Variants in MSMB observed in about 807,000 individuals in gnomAD.
MSMB encodes microseminoprotein beta, also known as beta-microseminoprotein.
Under a neutral mutation model 10.5 loss-of-function variants are expected in MSMB, and 10 were observed. The observed-to-expected ratio is 0.95, with a 90% CI of 0.59 to 1.62. MSMB has a LOEUF of 1.62. Among genes scored for constraint, MSMB ranks in the 40% most tolerant of loss-of-function variants. The pLI is 0.00. For missense variants in MSMB, 126 were observed against 137.4 expected, an observed-to-expected ratio of 0.92 and a Z score of 0.42; for synonymous variants, 43 against 46.5, an observed-to-expected ratio of 0.93 and a Z score of 0.30.
At chr10:46,038,837 C>T in intron 3 of MSMB, 129 bp downstream of exon 3, 1 of 726,952 alleles carries the variant, frequency 1.4e-6, no homozygotes, top group Non-Finnish European at 2.3e-6. Context: ...TAAAACTACT[C>T]TATATAAAGT....
Position 46,034,175 on chromosome 10 carries a change from C to T in MSMB, c.216-624G>A, listed in dbSNP as rs929765766. On this transcript the variant is annotated intron_variant, in intron 3 of 3. Coordinates refer to ENST00000582163, the MANE Select transcript of MSMB (RefSeq NM_002443.4). ...TCACCCAGGATGGAGTGCAGTGGCA[C>T]GATCTCAGCTCACTTCAGCCTCCGT... Among the ~76,000 whole-genome samples the T allele has an allele frequency of 5.9e-5, 9 of 152,224 alleles. 1 individual carries two copies. Among genetic ancestry groups the T allele is most frequent in the African/African-American group, 1.4e-4 (6 of 41,540 alleles).
In MSMB at chr10:46,034,029, T is replaced by C. The variant is rs186563798; in HGVS notation, c.216-478A>G. On this transcript the variant is annotated intron_variant, in intron 3 of 3. Transcript: ENST00000582163. ...GATGAAAGTCAGAGACCACCTCTAA[T>C]TGAGCTGCAGTACATACAAATATTT... 1.4e-4 allele frequency among the ~76,000 whole-genome samples: 22 copies of C among 152,318 alleles called. No individual in the cohort carries two copies. The East Asian group carries it at 2.3e-3, about 16-fold the overall frequency.
chr10:46,037,567 C>T (rs1840638113), intron 3 of MSMB, among the ~76,000 whole-genome samples: 1 of 152,146 alleles, frequency 6.6e-6, no homozygotes, highest in Non-Finnish European at 1.5e-5. Context: ...AAAACATCTG[C>T]ATAGCCTTTG....
At chr10:46,043,237 C>A (rs1840793414) in intron 1 of MSMB, among the ~76,000 whole-genome samples, 1 of 152,144 alleles carries the variant, frequency 6.6e-6, no homozygotes. Flanking sequence ...CATCCCAGGA[C>A]AAGTGACATG....
At chr10:46,040,846 C>T (rs894446507) in intron 1 of MSMB, among the ~76,000 whole-genome samples, 1 of 151,560 alleles carries the variant, frequency 6.6e-6, no homozygotes, top group African/African-American at 2.4e-5. Context: ...CCCAGCTACT[C>T]GGGAGTCTGA....
intron 1 of MSMB, among the ~76,000 whole-genome samples, chr10:46,041,844 C>A (rs916180235): frequency 6.8e-6 from 1 of 147,498 alleles, no homozygotes; most frequent in Non-Finnish European, 1.5e-5. Flanking sequence ...CCAGAAAATT[C>A]CAAAGGTAGT....
chr10:46,035,871 C>A (rs1215104667), intron 3 of MSMB, among the ~76,000 whole-genome samples: 1 of 152,014 alleles, frequency 6.6e-6, no homozygotes, highest in Non-Finnish European at 1.5e-5. Context: ...TGAAGAGATA[C>A]AATTCTTTTA....
At chr10:46,040,120 G>T in intron 1 of MSMB, 29 bp from the exon 2 acceptor site, 1 of 1,581,714 alleles carries the variant, frequency 6.3e-7, no homozygotes, top group East Asian at 2.2e-5. Flanking sequence ...TCAGGGTGGA[G>T]AATGAATTAA....
Position 46,040,953 on chromosome 10 carries a change from C to CA in MSMB, c.4-863dup, listed in dbSNP as rs555968994. Among the ~76,000 whole-genome samples, 611 of 117,186 alleles carry CA rather than the reference C, an allele frequency of 5.2e-3. 3 individuals carry two copies. The highest frequency in any genetic ancestry group is 0.028 in the East Asian group (101 of 3,550). 76.9% of individuals were successfully genotyped at this position (117,186 alleles called of 152,430 possible). On this transcript the variant is annotated intron_variant, in intron 1 of 3. Transcript: ENST00000582163. ...TGGGTGACAGAGCGAGACTCCGTCT[C>CA]AAAAAAAAAAAAAGCCAAACTTCTC...
At chr10:46,041,344 C>CAAAAAAAAAAAAA (rs60728604) in intron 1 of MSMB, among the ~76,000 whole-genome samples, 1 of 96,604 alleles carries the variant, frequency 1.0e-5, no homozygotes. Context: ...GACTCCGTCT[C>CAAAAAAAAAAAAA]AAAAAAAAAA....
At chr10:46,045,491 C>T (rs1310062544) in intron 1 of MSMB, among the ~76,000 whole-genome samples, 1 of 152,044 alleles carries the variant, frequency 6.6e-6, no homozygotes, top group Non-Finnish European at 1.5e-5. Context: ...CATGACTGCA[C>T]CACTGCACTC....
At chr10:46,042,323 G>GA (rs1840773037) in intron 1 of MSMB, among the ~76,000 whole-genome samples, 1 of 151,980 alleles carries the variant, frequency 6.6e-6, no homozygotes, top group Admixed American at 6.6e-5. Flanking sequence ...ATAAACACAT[G>GA]AAAAAGTTCA....
chr10:46,036,610 G>A (rs1554927563), intron 3 of MSMB, among the ~76,000 whole-genome samples: 1 of 152,218 alleles, frequency 6.6e-6, no homozygotes, highest in African/African-American at 2.4e-5. Flanking sequence ...CAGAGGCTCA[G>A]AGACATTCAG....
chr10:46,033,480 A>C lies in MSMB; in HGVS notation c.287T>G (p.Ile96Ser), dbSNP rs782752478. ...TTTTGGGTCCTTCTTCTCCACCACG[A>C]TATACTTGCAGTCCTCCTTCTTGAA... The part of the protein sequence containing the change: ...RIFKKEDCKY[I>S]VVEKKDPKKT... The change falls in exon 4 of 4, where the codon ATC (isoleucine) becomes AGC (serine). Residue 96 changes from isoleucine to serine, a missense_variant. Transcript: ENST00000582163. 1.2e-6 allele frequency: 2 copies of C among 1,613,972 alleles called. No individual in the cohort carries two copies. The highest frequency in any genetic ancestry group is 3.3e-5 in the Admixed American group (2 of 60,016).
chr10:46,041,453 T>C (rs527553160), intron 1 of MSMB, among the ~76,000 whole-genome samples: 2 of 152,296 alleles, frequency 1.3e-5, no homozygotes, highest in Admixed American at 1.3e-4. Flanking sequence ...ATTGCTAAAA[T>C]TAATTATGAA....
rs562632633 is a variant in MSMB at position 46,042,331 on chromosome 10, T to C, written c.4-2240A>G. Among the ~76,000 whole-genome samples the C allele has an allele frequency of 2.0e-5, 3 of 152,146 alleles. No homozygotes were observed. The South Asian group carries it at 6.2e-4, about 32-fold the overall frequency. ...ATGATGAATAAACACATGAAAAAGT[T>C]CAACTTACTGATAACAAAAGAAATG... is the stretch of plus-strand genomic sequence containing the variant. On this transcript the variant is annotated intron_variant, in intron 1 of 3. Transcript: ENST00000582163.
chr10:46,034,821 T>C (rs1840562940), intron 3 of MSMB, among the ~76,000 whole-genome samples: 2 of 142,298 alleles, frequency 1.4e-5, no homozygotes, highest in African/African-American at 2.6e-5. Flanking sequence ...CAAGATTCCA[T>C]CTCAAAAAAA....
chr10:46,045,261 G>A (rs1840867436), intron 1 of MSMB, among the ~76,000 whole-genome samples: 2 of 152,158 alleles, frequency 1.3e-5, no homozygotes, highest in African/African-American at 4.8e-5. Context: ...GCCAGGCACA[G>A]TGGTTCACAC....
intron 3 of MSMB, among the ~76,000 whole-genome samples, chr10:46,038,221 C>A (rs1554927800): frequency 6.6e-6 from 1 of 152,070 alleles, no homozygotes. Context: ...TGTGAATGGA[C>A]CTAATGCCAC....
Sources: allele counts gnomAD v4.1 joint callset (sites outside exome capture counted in the v4.1 genomes callset), GRCh38; gene constraint gnomAD v4.1.1; transcripts MANE v1.5; gene names NCBI Gene and HGNC (gene_info 2026-07-23, HGNC 2026-07-21).